FAM163A: variants seen among roughly 807,000 people sequenced by gnomAD.
FAM163A encodes family with sequence similarity 163 member A.
In FAM163A, 7 loss-of-function variants were observed where a neutral mutation model predicts 12.0. The ratio of observed to expected loss-of-function variants is 0.58; its 90% confidence interval spans 0.33 to 1.10. The LOEUF is 1.10. FAM163A is among the 50% of genes least tolerant of loss of function. The pLI is 0.03. For synonymous variants in FAM163A, 101 were observed against 91.0 expected (o/e 1.11, Z -0.62); for missense variants, 202 against 218.6 (o/e 0.92, Z 0.48).
At chr1:179,735,317 T>C in the FAM163A span, among the ~76,000 whole-genome samples, 8 of 152,144 alleles carry the variant, frequency 5.3e-5, no homozygotes, top group Admixed American at 1.3e-4. Context: ...AAGAAGTTAC[T>C]AGTTTTAAGC....
At chr1:179,788,495 G>T (rs765813712) in intron 1 of FAM163A, among the ~76,000 whole-genome samples, 3 of 152,152 alleles carry the variant, frequency 2.0e-5, no homozygotes, top group Non-Finnish European at 2.9e-5. Context: ...TGTGAGAACC[G>T]GTATAGATCA....
intron 1 of FAM163A, among the ~76,000 whole-genome samples, chr1:179,782,738 C>T (rs999755356): frequency 6.6e-5 from 10 of 152,154 alleles, no homozygotes; most frequent in African/African-American, 1.9e-4. Flanking sequence ...CCTGAGTCCG[C>T]GCTTTCATGT....
chr1:179,735,243 T>A, the FAM163A span, among the ~76,000 whole-genome samples: 1 of 152,144 alleles, frequency 6.6e-6, no homozygotes, highest in African/African-American at 2.4e-5. Flanking sequence ...TAAAGATAAC[T>A]AAAAAGATTG....
chr1:179,803,191 T>C (rs981931129), intron 1 of FAM163A, among the ~76,000 whole-genome samples: 1 of 152,234 alleles, frequency 6.6e-6, no homozygotes. Flanking sequence ...GCTGTGTCAA[T>C]TTCATAAGTT....
chr1:179,744,898 T>C (rs900694998), intron 1 of FAM163A, among the ~76,000 whole-genome samples: 4 of 152,166 alleles, frequency 2.6e-5, no homozygotes, highest in African/African-American at 9.7e-5. Flanking sequence ...ACTGCGGGCT[T>C]CAATCCCGCA....
chr1:179,809,803 A>C (rs1035739112), intron 2 of FAM163A, among the ~76,000 whole-genome samples: 5 of 152,160 alleles, frequency 3.3e-5, no homozygotes, highest in African/African-American at 1.2e-4. Flanking sequence ...ACGAATATGC[A>C]GGGAAGTGGT....
chr1:179,805,513 G>C (rs943026483), intron 1 of FAM163A, among the ~76,000 whole-genome samples: 4 of 150,420 alleles, frequency 2.7e-5, no homozygotes, highest in Non-Finnish European at 5.9e-5. Flanking sequence ...TCCAGCCTGC[G>C]CAACAGAGCA....
intron 1 of FAM163A, among the ~76,000 whole-genome samples, chr1:179,805,379 G>T (rs1276397762): frequency 6.6e-6 from 1 of 152,108 alleles, no homozygotes; most frequent in East Asian, 1.9e-4. Flanking sequence ...TTAGCCGGGG[G>T]TGGTGGCGGG....
At chr1:179,797,244 C>T (rs945285210) in intron 1 of FAM163A, among the ~76,000 whole-genome samples, 1 of 152,078 alleles carries the variant, frequency 6.6e-6, no homozygotes, top group Non-Finnish European at 1.5e-5. Context: ...GTCAGGAGTT[C>T]GAGACCAGCC....
Position 179,813,180 on chromosome 1 carries a change from GCAGGC to G in FAM163A, c.84_88del (p.Arg29ProfsTer81). Reference sequence around the variant, plus strand: ...TGCATCATTGCCGTCCTGTGCTACTGCAGGCTCCAGGTCAGTCCCCGGGACCCGTA... The same window carrying G: ...TGCATCATTGCCGTCCTGTGCTACTGTCCAGGTCAGTCCCCGGGACCCGTA... On this transcript the variant is annotated frameshift_variant, in exon 4 of 5. Transcript: ENST00000341785. LOFTEE classifies it high-confidence loss of function. The G allele has an allele frequency of 6.4e-7, 1 of 1,551,756 alleles. No individual in the cohort carries two copies. The highest frequency in any genetic ancestry group is 8.7e-7 in the Non-Finnish European group (1 of 1,146,984).
upstream of FAM163A, chr1:179,742,423 C>A (rs1405495976): frequency 6.6e-6 from 1 of 152,234 alleles, no homozygotes; most frequent in African/African-American, 2.4e-5. Flanking sequence ...GAGCATTAAC[C>A]GGGTTGACCC....
intron 1 of FAM163A, among the ~76,000 whole-genome samples, chr1:179,767,661 ACCCCCTACCTGCAGCCTGCTG>A (rs1275895065): frequency 6.6e-6 from 1 of 151,638 alleles, no homozygotes; most frequent in Non-Finnish European, 1.5e-5. Context: ...AGGCCCTGGC[ACCCCCTACCTGCAGCCTGCTG>A]CTCCAGGTGC....
chr1:179,805,102 G>T (rs1693738615), intron 1 of FAM163A, among the ~76,000 whole-genome samples: 2 of 151,974 alleles, frequency 1.3e-5, no homozygotes, highest in Non-Finnish European at 2.9e-5. Context: ...TGTATTCAGT[G>T]GGAGAAATCT....
At chr1:179,735,300 C>T in the FAM163A span, among the ~76,000 whole-genome samples, 2 of 152,094 alleles carry the variant, frequency 1.3e-5, no homozygotes, top group Admixed American at 6.5e-5. Flanking sequence ...AGAGCTAATA[C>T]GTTAATAAGA....
chr1:179,801,782 C>G (rs1228971940), intron 1 of FAM163A, among the ~76,000 whole-genome samples: 1 of 152,194 alleles, frequency 6.6e-6, no homozygotes, highest in African/African-American at 2.4e-5. Context: ...AAGCAACTTC[C>G]CCCTTAGACC....
At chr1:179,781,270 T>C (rs928270548) in intron 1 of FAM163A, among the ~76,000 whole-genome samples, 10 of 152,170 alleles carry the variant, frequency 6.6e-5, no homozygotes, top group Non-Finnish European at 1.3e-4. Flanking sequence ...AACTACTGAA[T>C]TGTACACTTT....
chr1:179,772,968 C>T (rs1019499038), intron 1 of FAM163A, among the ~76,000 whole-genome samples: 1 of 150,288 alleles, frequency 6.7e-6, no homozygotes. Flanking sequence ...AAGCAGCCTT[C>T]CCAAGAGACC....
chr1:179,799,121 G>T (rs1346920333), intron 1 of FAM163A, among the ~76,000 whole-genome samples: 1 of 149,460 alleles, frequency 6.7e-6, no homozygotes, highest in Non-Finnish European at 1.5e-5. Context: ...TGAAACAAGT[G>T]AAACAAGTGT....
At chr1:179,765,584 G>A (rs1389008586) in intron 1 of FAM163A, among the ~76,000 whole-genome samples, 1 of 152,190 alleles carries the variant, frequency 6.6e-6, no homozygotes, top group Non-Finnish European at 1.5e-5. Flanking sequence ...GAAGCCATCG[G>A]GGCATGAAAG....
Sources: gnomAD v4.1 joint callset for allele counts (sites outside exome capture counted in the v4.1 genomes callset) on GRCh38, gnomAD v4.1.1 for gene constraint, MANE v1.5 for transcripts, NCBI Gene and HGNC (gene_info 2026-07-23, HGNC 2026-07-21) for gene names.